RABGAP1L: variants seen among roughly 807,000 people sequenced by gnomAD.
The protein encoded by RABGAP1L is rab GTPase-activating protein 1-like.
A neutral mutation model predicts 137.7 loss-of-function variants in RABGAP1L; 63 were observed. The observed-to-expected ratio is 0.46, with a 90% confidence interval of 0.37 to 0.56. The LOEUF is 0.56. RABGAP1L is among the 20% of genes least tolerant of loss of function. The pLI, the probability that RABGAP1L is intolerant of heterozygous loss-of-function variation, is 0.00. For synonymous variants in RABGAP1L, 431 were observed against 433.7 expected (o/e 0.99, Z 0.08); for missense variants, 1,095 against 1,244.0 (o/e 0.88, Z 1.80).
At chr1:174,825,826 G>A (rs1029411271) in intron 19 of RABGAP1L, among the ~76,000 whole-genome samples, 2 of 152,166 alleles carry the variant, frequency 1.3e-5, no homozygotes, top group Non-Finnish European at 2.9e-5. Context: ...AGGAGGCAGA[G>A]GTTACAGTGA....
At chr1:174,349,890 C>T (rs1223432969) in intron 11 of RABGAP1L, among the ~76,000 whole-genome samples, 19 of 138,414 alleles carry the variant, frequency 1.4e-4, no homozygotes, top group South Asian at 2.4e-4. Context: ...CTGGATGGGG[C>T]GGCTGGCCAG....
chr1:174,244,119 T>G (rs1158150434), intron 5 of RABGAP1L, among the ~76,000 whole-genome samples: 1 of 152,234 alleles, frequency 6.6e-6, no homozygotes, highest in African/African-American at 2.4e-5. Flanking sequence ...TCCGGTTGTC[T>G]GGTTCCCAGA....
intron 16 of RABGAP1L, 131 bp from the exon 17 acceptor site, chr1:174,701,982 C>G: frequency 1.3e-6 from 1 of 742,628 alleles, no homozygotes; most frequent in East Asian, 2.7e-5. Flanking sequence ...TGCAGTTATA[C>G]AAGACAACCA....
chr1:174,575,773 A>G (rs1439353366), intron 13 of RABGAP1L, among the ~76,000 whole-genome samples: 2 of 152,182 alleles, frequency 1.3e-5, no homozygotes, highest in Non-Finnish European at 2.9e-5. Context: ...TCCCAGGCAG[A>G]TCGGCAGGTC....
chr1:174,299,931 A>G (rs1416641160), intron 10 of RABGAP1L, among the ~76,000 whole-genome samples: 1 of 152,208 alleles, frequency 6.6e-6, no homozygotes, highest in Non-Finnish European at 1.5e-5. Flanking sequence ...ATAAGACAAC[A>G]ATTGTCTGTG....
At chr1:174,284,801 T>G (rs1447546023) in intron 10 of RABGAP1L, among the ~76,000 whole-genome samples, 2 of 147,984 alleles carry the variant, frequency 1.4e-5, no homozygotes, top group South Asian at 2.2e-4. Flanking sequence ...GGTCTCCAGC[T>G]TTTTTTTCCC....
chr1:174,523,902 C>T (rs1344580267), intron 13 of RABGAP1L, among the ~76,000 whole-genome samples: 2 of 152,162 alleles, frequency 1.3e-5, no homozygotes, highest in Non-Finnish European at 2.9e-5. Context: ...TCTTTCTCTA[C>T]CTGGGTTATT....
rs143522512 is a variant in RABGAP1L, at chr1:174,769,042, C to T, written c.2211+16688C>T. Among the ~76,000 whole-genome samples, 115 of 152,170 alleles carry T rather than the reference C, an allele frequency of 7.6e-4. 1 individual carries two copies. The highest frequency in any genetic ancestry group is 3.4e-3 in the Middle Eastern group (1 of 294). ...ACTGTCACCACCATTGTCACTGTAA[C>T]CACCTGACAGGTGCTTCCTGCCCAC... On this transcript the variant is annotated intron_variant, in intron 18 of 25. Transcript: ENST00000681986.
intron 18 of RABGAP1L, among the ~76,000 whole-genome samples, chr1:174,809,975 T>C (rs974118006): frequency 2.0e-5 from 3 of 152,218 alleles, no homozygotes; most frequent in African/African-American, 7.2e-5. Context: ...TGTATGTTTA[T>C]GAGGAAAGAG....
At chr1:174,536,399 T>TGAGAGAGG (rs1202264316) in intron 13 of RABGAP1L, among the ~76,000 whole-genome samples, 2 of 151,808 alleles carry the variant, frequency 1.3e-5, no homozygotes, top group Non-Finnish European at 2.9e-5. Context: ...GTTGGGAGAT[T>TGAGAGAGG]GAGAGAGGGA....
chr1:174,318,405 C>T (rs1679598997), intron 11 of RABGAP1L, among the ~76,000 whole-genome samples: 1 of 152,078 alleles, frequency 6.6e-6, no homozygotes, highest in Non-Finnish European at 1.5e-5. Context: ...TTTCTCCTTA[C>T]TGGTAAAGTG....
intron 19 of RABGAP1L, chr1:174,938,545 T>C (rs1037773122): frequency 6.6e-5 from 10 of 152,144 alleles, no homozygotes; most frequent in Admixed American, 2.0e-4. Flanking sequence ...ATCAAAGACA[T>C]TGGAATTATG....
intron 19 of RABGAP1L, among the ~76,000 whole-genome samples, chr1:174,853,598 G>A (rs965059244): frequency 2.0e-5 from 3 of 152,170 alleles, no homozygotes; most frequent in Non-Finnish European, 4.4e-5. Context: ...AGGCATGGTG[G>A]CGCACACCTG....
At chr1:174,380,183 G>A (rs1225721240) in intron 12 of RABGAP1L, among the ~76,000 whole-genome samples, 3 of 151,254 alleles carry the variant, frequency 2.0e-5, no homozygotes, top group East Asian at 1.9e-4. Flanking sequence ...TGCTGGATTC[G>A]TTTTGCCAGT....
intron 12 of RABGAP1L, among the ~76,000 whole-genome samples, chr1:174,380,582 G>A (rs925128158): frequency 3.3e-5 from 5 of 152,058 alleles, no homozygotes; most frequent in African/African-American, 1.2e-4. Context: ...GCGTAGAGGT[G>A]TTTGTAGTAT....
chr1:174,596,416 A>G lies in RABGAP1L; in HGVS notation c.1711-40959A>G, dbSNP rs765094838. 8.3e-4 allele frequency among the ~76,000 whole-genome samples: 126 copies of G among 152,142 alleles called. 1 individual carries two copies. The Middle Eastern group carries it at 0.01, about 12-fold the overall frequency. On this transcript the variant is annotated intron_variant, in intron 13 of 25. Transcript: ENST00000681986. ...CTTTCATCAGTGTTTTGTAGTTCTT[A>G]TTGTACAGATCTTTCACTTCTTTGG...
intron 19 of RABGAP1L, chr1:174,954,262 C>T (rs189671948): frequency 5.3e-5 from 8 of 152,292 alleles, no homozygotes; most frequent in African/African-American, 1.9e-4. Context: ...CTCAGTATCA[C>T]CCCACAGCAC....
chr1:174,231,000 A>T, intron 3 of RABGAP1L, 145 bp from the exon 4 acceptor site: 1 of 598,246 alleles, frequency 1.7e-6, no homozygotes, highest in Non-Finnish European at 2.8e-6. Flanking sequence ...TTAAATCCTA[A>T]AATTTTAAAA....
rs529159372 is a variant in RABGAP1L, at chr1:174,615,040, G to A, written c.1711-22335G>A. ...TGGTTTGAATTTCATCCTGTAGCTC[G>A]GAGTAGTTTGATCGTCTGAAGCCTT... On this transcript the variant is annotated intron_variant, in intron 13 of 25. Coordinates refer to ENST00000681986, the MANE Select transcript of RABGAP1L (RefSeq NM_001366446.1). Among the ~76,000 whole-genome samples, 36 of 152,236 alleles carry A rather than the reference G, an allele frequency of 2.4e-4. No homozygotes were observed. In the South Asian group the frequency reaches 5.4e-3, roughly 23 times the overall value.
Sources: allele counts gnomAD v4.1 joint callset (sites outside exome capture counted in the v4.1 genomes callset), GRCh38; gene constraint gnomAD v4.1.1; transcripts MANE v1.5; gene names NCBI Gene and HGNC (gene_info 2026-07-23, HGNC 2026-07-21).